The following ABCA4 variants were observed in gnomAD, a reference collection of about 807,000 sequenced individuals.
The protein encoded by ABCA4 is ATP binding cassette subfamily A member 4, also known as retinal-specific phospholipid-transporting ATPase ABCA4.
Under a neutral mutation model 263.7 loss-of-function variants are expected in ABCA4, and 196 were observed. The observed-to-expected ratio is 0.74, with a 90% CI of 0.66 to 0.84. The LOEUF (loss-of-function observed/expected upper bound fraction) is 0.84. Among genes scored for constraint, ABCA4 ranks in the 40% least tolerant of loss-of-function variants. ABCA4 has a pLI of 0.00. For missense variants in ABCA4, 2,792 were observed against 2,855.1 expected (o/e 0.98, Z 0.50); for synonymous variants, 1,133 against 1,094.2 (o/e 1.04, Z -0.70).
chr1:94,031,951 C>T lies in ABCA4; in HGVS notation c.3955G>A (p.Val1319Ile), dbSNP rs1428867662. 6 of 1,614,094 alleles carry T rather than the reference C, an allele frequency of 3.7e-6. No individual in the cohort carries two copies. The highest frequency in any genetic ancestry group is 1.7e-5 in the Admixed American group (1 of 60,014). Residue 1319 changes from valine to isoleucine, a missense_variant, in exon 27 of 50, where the codon GTC becomes ATC. Transcript: ENST00000370225. ...GCAGCCGGCGCCCCTGGGGAGCAGA[C>T]ATTGGAGTCCTGGGGTGTCTGTCCA... ...KAGQTPQDSN[V>I]CSPGAPAAHP...
intron 2 of ABCA4, among the ~76,000 whole-genome samples, chr1:94,112,207 C>T (rs1662626606): frequency 6.6e-6 from 1 of 152,224 alleles, no homozygotes; most frequent in Admixed American, 6.5e-5. Context: ...AAAAGAGGCT[C>T]TCACTAGGTT....
At chr1:94,120,616 A>G (rs1662919967) in intron 1 of ABCA4, among the ~76,000 whole-genome samples, 1 of 135,698 alleles carries the variant, frequency 7.4e-6, no homozygotes, top group South Asian at 2.3e-4. Flanking sequence ...CCTGCTCTTC[A>G]GGGCTTAAAG....
chr1:94,076,499 A>G (rs1477696497), intron 11 of ABCA4, among the ~76,000 whole-genome samples: 2 of 152,324 alleles, frequency 1.3e-5, no homozygotes, highest in Non-Finnish European at 2.9e-5. Flanking sequence ...TGTGACCAAA[A>G]GCGCTCTAAT....
intron 44 of ABCA4, 109 bp from the exon 45 acceptor site, chr1:94,002,101 C>A (rs975547131): frequency 1.9e-6 from 3 of 1,542,028 alleles, no homozygotes; most frequent in Non-Finnish European, 2.7e-6. Flanking sequence ...ATGAAATCCC[C>A]AGCTAGGCTG....
At chr1:94,039,978 C>T in intron 24 of ABCA4, 65 bp downstream of exon 24, 2 of 1,341,868 alleles carry the variant, frequency 1.5e-6, no homozygotes, top group Non-Finnish European at 2.1e-6. Flanking sequence ...CACAACAGGA[C>T]ACACCCAGCA....
At position 94,021,672 on chromosome 1, in the gene ABCA4, G is replaced by A. The variant is rs761702897; in HGVS notation, c.4816C>T (p.Leu1606Phe). Residue 1606 changes from leucine to phenylalanine, a missense_variant, in exon 34 of 50, where the codon CTT (leucine) becomes TTT (phenylalanine). Physicochemically the swap from Leu to Phe is conservative, Grantham distance 22. Transcript: ENST00000370225. The stretch of plus-strand genomic sequence containing the variant: ...TTGTCTTCAGTTTCTAGATGTTTAA[G>A]GAAATCAGGTATTTCTTTAGAGGCC... Reference protein sequence around the residue: ...REASKEIPDFLKHLETEDNIK... With the variant: ...REASKEIPDFFKHLETEDNIK... 6.2e-7 allele frequency: 1 copy of A among 1,613,140 alleles called. No homozygotes were observed. Among genetic ancestry groups the A allele is most frequent in the Non-Finnish European group, 8.5e-7 (1 of 1,179,434 alleles).
chr1:94,019,644 G>C lies in ABCA4; in HGVS notation c.5134C>G (p.Leu1712Val). ...IQERVNKSKH[L>V]QFISGVSPTT... The stretch of plus-strand genomic sequence containing the variant: ...GGGCTCACTCCACTGATAAACTGGA[G>C]GTGCTTGGATTTGTTCACCCGCTCC... The change falls in exon 36 of 50, where the codon CTC (leucine) becomes GTC (valine). Residue 1712 changes from leucine (L) to valine (V), a missense_variant. Transcript: ENST00000370225. 6.2e-7 allele frequency: 1 copy of C among 1,612,710 alleles called. No homozygotes were observed.
At chr1:94,040,250 T>A in intron 23 of ABCA4, 123 bp from the exon 24 acceptor site, 1 of 795,068 alleles carries the variant, frequency 1.3e-6, no homozygotes, top group South Asian at 1.5e-5. Flanking sequence ...AGTCAACACA[T>A]TTTTTTCTTC....
intron 13 of ABCA4, 60 bp downstream of exon 13, chr1:94,062,517 A>ACC: frequency 2.2e-6 from 2 of 907,344 alleles, no homozygotes; most frequent in Non-Finnish European, 3.4e-6. Context: ...AGCCCACCCC[A>ACC]GCCCACTCCA....
intron 19 of ABCA4, 136 bp downstream of exon 19, chr1:94,046,783 C>G: frequency 9.2e-7 from 1 of 1,082,356 alleles, no homozygotes; most frequent in South Asian, 1.4e-5. Context: ...CTGCAGAAAG[C>G]TTTTACACAT....
At position 94,056,677 on chromosome 1, in the gene ABCA4, T is replaced by A. The variant is rs751408792; in HGVS notation, c.2306A>T (p.Tyr769Phe). The A allele has an allele frequency of 2.2e-5, 36 of 1,613,888 alleles. No homozygotes were observed. Among genetic ancestry groups the A allele is most frequent in the Non-Finnish European group, 3.4e-6 (4 of 1,180,004 alleles). Residue 769 changes from tyrosine (Y) to phenylalanine (F), a missense_variant, in exon 15 of 50, where the codon TAT becomes TTT. Coordinates refer to ENST00000370225, the MANE Select transcript of ABCA4 (RefSeq NM_000350.3). ...SLAAACSGVI[Y>F]FTLYLPHILC... is the part of the protein sequence containing the mutation. ...GATGTGTGGCAGGTAGAGGGTGAAA[T>A]AGATGACACCACTACAGGCTGCTGC...
intron 4 of ABCA4, among the ~76,000 whole-genome samples, chr1:94,106,949 G>A (rs1293748823): frequency 6.6e-6 from 1 of 152,160 alleles, no homozygotes. Context: ...GCTGGCATTT[G>A]CCTGACTCAT....
At chr1:94,072,447 T>G (rs1661426416) in intron 11 of ABCA4, among the ~76,000 whole-genome samples, 1 of 152,184 alleles carries the variant, frequency 6.6e-6, no homozygotes, top group Admixed American at 6.5e-5. Flanking sequence ...CACTGTGAAC[T>G]CTGAATAGTA....
In ABCA4 at chr1:94,120,992, C is replaced by A. The variant is rs775984820; in HGVS notation, c.54G>T (p.Arg18=). The change falls in exon 1 of 50, where the codon CGG becomes CGT. Residue 18 remains arginine, a synonymous_variant. Transcript: ENST00000370225. The part of the protein sequence containing the change: ...QLLLWKNWTL[R]KRQKIRFVVE... ...CAGTAACTGTTACCTTTTGCCTTTTCCGCAGGGTCCAGTTCTTCCAGAGCA... is the reference window on the plus strand; with the variant it reads ...CAGTAACTGTTACCTTTTGCCTTTTACGCAGGGTCCAGTTCTTCCAGAGCA... 2.0e-6 allele frequency: 3 copies of A among 1,528,648 alleles called. No homozygotes were observed. The Admixed American group carries it at 5.3e-5, about 27-fold the overall frequency. The allele number at this position is 1,528,648 out of a possible 1,614,324, so 94.7% of individuals were successfully genotyped here. A position where few individuals can be genotyped will look rare whatever the true frequency, so the allele number is the denominator to read the frequency against.
At chr1:94,033,510 G>T (rs1416557324) in intron 26 of ABCA4, among the ~76,000 whole-genome samples, 1 of 151,840 alleles carries the variant, frequency 6.6e-6, no homozygotes, top group Non-Finnish European at 1.5e-5. Flanking sequence ...GCATGCTCTA[G>T]AAACCATTGC....
intron 6 of ABCA4, among the ~76,000 whole-genome samples, chr1:94,087,970 A>G (rs566949601): frequency 6.6e-6 from 1 of 152,240 alleles, no homozygotes; most frequent in South Asian, 2.1e-4. Context: ...GAGAGAAAGA[A>G]TCTACCTCTG....
Position 94,055,123 on chromosome 1 carries a change from G to C in ABCA4, c.2575C>G (p.Gln859Glu). Residue 859 changes from glutamine (Q) to glutamate (E), a missense_variant, in exon 16 of 50, where the codon CAG becomes GAG. Physicochemically the swap from Gln to Glu is conservative, Grantham distance 29. Coordinates refer to ENST00000370225, the MANE Select transcript of ABCA4 (RefSeq NM_000350.3). ...GGAGGATGCTTACCTGGAAACACCT[G>C]ATCAAGGTACCAAGCGAGTAAGCCA... ...VYGLLAWYLDQVFPGDYGTPL... is the reference protein window; with the variant it reads ...VYGLLAWYLDEVFPGDYGTPL... 1.9e-6 allele frequency: 3 copies of C among 1,614,118 alleles called. No individual in the cohort carries two copies. Among genetic ancestry groups the C allele is most frequent in the Non-Finnish European group, 2.5e-6 (3 of 1,180,000 alleles).
chr1:94,015,701 C>T, intron 37 of ABCA4, 38 bp downstream of exon 37: 1 of 1,518,056 alleles, frequency 6.6e-7, no homozygotes, highest in Non-Finnish European at 9.1e-7. Context: ...CACCAGGCTT[C>T]TCTTCAGAGG....
intron 44 of ABCA4, among the ~76,000 whole-genome samples, chr1:94,003,487 G>C (rs995264407): frequency 6.6e-6 from 1 of 151,868 alleles, no homozygotes; most frequent in African/African-American, 2.4e-5. Flanking sequence ...ATCACATCTC[G>C]GGGCATGAGA....
Sources: gnomAD v4.1 joint callset for allele counts (sites outside exome capture counted in the v4.1 genomes callset) on GRCh38, gnomAD v4.1.1 for gene constraint, MANE v1.5 for transcripts, NCBI Gene and HGNC (gene_info 2026-07-23, HGNC 2026-07-21) for gene names.